The following CTNND2 variants were observed in gnomAD, a reference collection of about 807,000 sequenced individuals.
The protein encoded by CTNND2 is catenin delta-2.
Under a neutral mutation model 144.4 loss-of-function variants are expected in CTNND2, and 22 were observed. The ratio of observed to expected loss-of-function variants is 0.15; its 90% CI spans 0.11 to 0.22. The LOEUF (loss-of-function observed/expected upper bound fraction) is 0.22, where lower values mean the gene tolerates loss of function less well. Ranked by LOEUF, CTNND2 falls within the 10% of genes least tolerant of loss-of-function variation. The pLI, the probability that CTNND2 is intolerant of heterozygous loss-of-function variation, is 1.00. For synonymous variants in CTNND2, 751 were observed against 695.6 expected (o/e 1.08, Z -1.25); for missense variants, 1,353 against 1,618.8 (o/e 0.84, Z 2.82).
chr5:11,419,030 A>ATATC (rs1233798285), intron 3 of CTNND2, among the ~76,000 whole-genome samples: 1 of 143,446 alleles, frequency 7.0e-6, no homozygotes, highest in African/African-American at 2.7e-5. Context: ...GTCTATCTAT[A>ATATC]TATAGATATA....
At chr5:11,816,185 G>A (rs765194357) in intron 1 of CTNND2, among the ~76,000 whole-genome samples, 3 of 152,228 alleles carry the variant, frequency 2.0e-5, no homozygotes, top group Admixed American at 6.5e-5. Context: ...ACCACGCCCA[G>A]GGCGAGGAGA....
chr5:11,323,988 G>T (rs555856185), intron 9 of CTNND2, among the ~76,000 whole-genome samples: 1 of 152,106 alleles, frequency 6.6e-6, no homozygotes, highest in African/African-American at 2.4e-5. Context: ...ATGGAAGCAC[G>T]TCACCATCTG....
rs985561568 is a variant in CTNND2, at chr5:11,411,600, G to A, written c.375C>T (p.Asp125=). The change falls in exon 5 of 22, where the codon GAC becomes GAT. Residue 125 remains aspartate (D), a synonymous_variant. Coordinates refer to ENST00000304623, the MANE Select transcript of CTNND2 (RefSeq NM_001332.4). ...DELTTGLELV[D]SCIRSLQESG... ...ATTCCTGTAGTGACCTAATACAGGAGTCCACCAGCTCGAGACCTGTTGTAA... is the reference window on the plus strand; with the variant it reads ...ATTCCTGTAGTGACCTAATACAGGAATCCACCAGCTCGAGACCTGTTGTAA... 3.1e-6 allele frequency: 5 copies of A among 1,612,892 alleles called. No individual in the cohort carries two copies. The highest frequency in any genetic ancestry group is 4.2e-6 in the Non-Finnish European group (5 of 1,179,260).
At chr5:11,513,802 C>T (rs1376416060) in intron 3 of CTNND2, among the ~76,000 whole-genome samples, 1 of 151,952 alleles carries the variant, frequency 6.6e-6, no homozygotes, top group Non-Finnish European at 1.5e-5. Flanking sequence ...TATGTGTGGT[C>T]TAGAGACACA....
chr5:11,844,033 T>A (rs761922741), intron 1 of CTNND2, among the ~76,000 whole-genome samples: 1 of 152,188 alleles, frequency 6.6e-6, no homozygotes, highest in Non-Finnish European at 1.5e-5. Flanking sequence ...CCAGTTGTCA[T>A]CAAGCTCAAT....
intron 1 of CTNND2, among the ~76,000 whole-genome samples, chr5:11,738,319 C>A (rs1182408497): frequency 6.6e-6 from 1 of 152,178 alleles, no homozygotes; most frequent in Non-Finnish European, 1.5e-5. Context: ...AAAAATTGGC[C>A]TGCATAACAA....
intron 3 of CTNND2, among the ~76,000 whole-genome samples, chr5:11,441,981 C>A (rs1241697408): frequency 6.6e-6 from 1 of 152,114 alleles, no homozygotes; most frequent in Non-Finnish European, 1.5e-5. Context: ...CCAAACTTGT[C>A]AGAAATGACA....
chr5:11,607,483 T>A (rs1489452746), intron 2 of CTNND2, among the ~76,000 whole-genome samples: 1 of 152,170 alleles, frequency 6.6e-6, no homozygotes, highest in African/African-American at 2.4e-5. Flanking sequence ...TAGTTTTGAT[T>A]ACTGAGTTTT....
intron 15 of CTNND2, among the ~76,000 whole-genome samples, chr5:11,088,191 T>C (rs1412118662): frequency 3.3e-5 from 5 of 152,204 alleles, no homozygotes; most frequent in Non-Finnish European, 2.9e-5. Flanking sequence ...TGTTAAATGA[T>C]AGACAGTGCA....
At chr5:10,993,696 T>G (rs754372542) in intron 18 of CTNND2, among the ~76,000 whole-genome samples, 1 of 152,110 alleles carries the variant, frequency 6.6e-6, no homozygotes, top group Non-Finnish European at 1.5e-5. Flanking sequence ...TAGCACCTAG[T>G]AAGTAAGCTG....
intron 9 of CTNND2, among the ~76,000 whole-genome samples, chr5:11,298,345 A>AT (rs914184375): frequency 2.6e-5 from 4 of 151,992 alleles, no homozygotes; most frequent in Non-Finnish European, 4.4e-5. Flanking sequence ...CATTTTATGT[A>AT]TTTTTTGTAG....
chr5:11,728,329 C>T (rs555469100), intron 2 of CTNND2, among the ~76,000 whole-genome samples: 8 of 151,328 alleles, frequency 5.3e-5, no homozygotes, highest in African/African-American at 1.9e-4. Flanking sequence ...AATAGCCAGG[C>T]GTGGTGGCGC....
intron 8 of CTNND2, among the ~76,000 whole-genome samples, chr5:11,359,470 G>T (rs1265868880): frequency 3.3e-5 from 5 of 152,184 alleles, no homozygotes; most frequent in Non-Finnish European, 7.3e-5. Flanking sequence ...TGGCTGTCAT[G>T]TCTGGTGATG....
chr5:11,258,062 C>A (rs557503739), intron 9 of CTNND2, among the ~76,000 whole-genome samples: 2 of 152,278 alleles, frequency 1.3e-5, no homozygotes, highest in East Asian at 3.9e-4. Flanking sequence ...AACTTAGATC[C>A]CTCTGAAAGT....
chr5:11,211,382 A>G (rs1017890874), intron 10 of CTNND2, among the ~76,000 whole-genome samples: 1 of 152,208 alleles, frequency 6.6e-6, no homozygotes, highest in Non-Finnish European at 1.5e-5. Flanking sequence ...CCATGTGAGG[A>G]CAGACTGACC....
chr5:11,763,501 G>A (rs1789398158), intron 1 of CTNND2, among the ~76,000 whole-genome samples: 1 of 152,184 alleles, frequency 6.6e-6, no homozygotes, highest in African/African-American at 2.4e-5. Flanking sequence ...CCACCTGCCT[G>A]TGCTTCAATT....
At chr5:11,290,267 GT>G (rs1447810916) in intron 9 of CTNND2, among the ~76,000 whole-genome samples, 1 of 152,112 alleles carries the variant, frequency 6.6e-6, no homozygotes, top group Non-Finnish European at 1.5e-5. Flanking sequence ...CTTGAACTAG[GT>G]TATAAACCCT....
At chr5:11,501,797 G>A (rs249244) in intron 3 of CTNND2, among the ~76,000 whole-genome samples, 10 of 151,768 alleles carry the variant, frequency 6.6e-5, no homozygotes, top group East Asian at 1.9e-4. Flanking sequence ...TCACAAGGTC[G>A]GGAGATTGAG....
rs1561128235 is a variant in CTNND2 at position 10,988,203 on chromosome 5, T to C, written c.3251A>G (p.Lys1084Arg). 1.2e-6 allele frequency: 2 copies of C among 1,614,172 alleles called. No homozygotes were observed. Among genetic ancestry groups the C allele is most frequent in the Non-Finnish European group, 1.7e-6 (2 of 1,180,030 alleles). Residue 1084 changes from lysine to arginine, a missense_variant, in exon 20 of 22, where the codon AAA becomes AGA. Coordinates refer to ENST00000304623, the MANE Select transcript of CTNND2 (RefSeq NM_001332.4). The surrounding 1 kb of genome is among the most constrained non-coding windows in gnomAD (Gnocchi z 5.9). ...GCACTCGTAGTCTGTTTTCCTTTCT[T>C]TGAGGCTGATCATTTCCCGAGGTGA... Reference protein sequence around the residue: ...PASPREMISLKERKTDYECTG... With the variant: ...PASPREMISLRERKTDYECTG...
Sources: gnomAD v4.1 joint callset for allele counts (sites outside exome capture counted in the v4.1 genomes callset) on GRCh38, gnomAD v4.1.1 for gene constraint, Gnocchi (gnomAD v3.1) non-coding constraint, MANE v1.5 for transcripts, NCBI Gene and HGNC (gene_info 2026-07-23, HGNC 2026-07-21) for gene names.